The following LPP variants were observed in gnomAD, a reference collection of about 807,000 sequenced individuals.
LPP encodes the protein LIM domain containing preferred translocation partner in lipoma, also known as lipoma-preferred partner.
In LPP, 38 loss-of-function variants were observed where a neutral mutation model predicts 60.4. That is an observed-to-expected ratio of 0.63 (90% confidence interval 0.49 to 0.83). The LOEUF (loss-of-function observed/expected upper bound fraction) is 0.83, where lower values mean the gene tolerates loss of function less well. LPP is among the 40% of genes least tolerant of loss of function. The pLI is 0.00. For synonymous variants in LPP, 328 were observed against 290.8 expected (o/e 1.13, Z -1.30); for missense variants, 902 against 783.6 (o/e 1.15, Z -1.80).
chr3:188,460,464 A>G (rs891739781), intron 4 of LPP, among the ~76,000 whole-genome samples: 3 of 152,212 alleles, frequency 2.0e-5, no homozygotes, highest in Non-Finnish European at 4.4e-5. Context: ...TGTCCCTTGC[A>G]GAAAACTTGA....
At chr3:188,851,956 G>A (rs1425554559) in intron 9 of LPP, among the ~76,000 whole-genome samples, 2 of 152,072 alleles carry the variant, frequency 1.3e-5, no homozygotes, top group East Asian at 1.9e-4. Flanking sequence ...TGAGGCCGGG[G>A]AGTTCCAGAC....
At chr3:188,500,070 CT>C (rs1811380738) in intron 5 of LPP, among the ~76,000 whole-genome samples, 1 of 151,972 alleles carries the variant, frequency 6.6e-6, no homozygotes, top group Non-Finnish European at 1.5e-5. Flanking sequence ...TGATTTAATT[CT>C]TTCTTTTTAA....
intron 2 of LPP, among the ~76,000 whole-genome samples, chr3:188,227,696 G>A (rs1005852683): frequency 6.6e-6 from 1 of 151,968 alleles, no homozygotes; most frequent in Non-Finnish European, 1.5e-5. Context: ...TTTTGTGCCT[G>A]GGCTTCATCC....
chr3:188,667,350 C>T (rs867780260), intron 7 of LPP, among the ~76,000 whole-genome samples: 51 of 151,830 alleles, frequency 3.4e-4, no homozygotes, highest in African/African-American at 1.2e-3. Flanking sequence ...TGGTGGTGGG[C>T]GCCTGTAGTC....
rs115233654 is a variant in LPP, at chr3:188,437,935, C to T, written c.193+31622C>T. On this transcript the variant is annotated intron_variant, in intron 4 of 11. Coordinates refer to ENST00000617246, the MANE Select transcript of LPP (RefSeq NM_001375462.1). Reference sequence around the variant, plus strand: ...TCTGCAGTAAGTGTGATAGCTTTGCCGAAGCACTTGGGGGCCAAAAGGACA... The same window carrying T: ...TCTGCAGTAAGTGTGATAGCTTTGCTGAAGCACTTGGGGGCCAAAAGGACA... 7.4e-3 allele frequency among the ~76,000 whole-genome samples: 1,118 copies of T among 152,008 alleles called. 7 individuals are homozygous for T. Among genetic ancestry groups the T allele is most frequent in the South Asian group, 0.033 (158 of 4,810 alleles).
chr3:188,633,530 T>C (rs564677144), intron 7 of LPP, among the ~76,000 whole-genome samples: 2 of 152,284 alleles, frequency 1.3e-5, no homozygotes, highest in Non-Finnish European at 2.9e-5. Context: ...CAAAACCTGG[T>C]CCTCTGTCTA....
At position 188,609,183 on chromosome 3, in the gene LPP, C is replaced by G; in HGVS notation, c.452C>G (p.Ser151Cys). The change falls in exon 7 of 12, where the codon TCT becomes TGT. Residue 151 changes from serine to cysteine, a missense_variant. By Grantham distance (112) the Ser-to-Cys change is moderately radical (BLOSUM62 -1). Coordinates refer to ENST00000617246, the MANE Select transcript of LPP (RefSeq NM_001375462.1). The surrounding 1 kb of genome is among the most constrained non-coding windows in gnomAD (Gnocchi z 6.9). ...PPQSSTGSTA[S>C]PPVSTPVTGH... ...TAGAGCTCCACTGGTTCAACAGCCT[C>G]TCCTCCAGTTTCGACCCCAGTCACA... 2.5e-6 allele frequency: 4 copies of G among 1,612,160 alleles called. No individual in the cohort carries two copies. The highest frequency in any genetic ancestry group is 3.4e-6 in the Non-Finnish European group (4 of 1,178,778).
intron 3 of LPP, among the ~76,000 whole-genome samples, chr3:188,385,533 T>C (rs951246702): frequency 6.6e-6 from 1 of 152,054 alleles, no homozygotes; most frequent in East Asian, 1.9e-4. Context: ...CACAAACAAA[T>C]AAGAGAATGA....
chr3:188,707,140 C>T (rs1401631643), intron 7 of LPP, among the ~76,000 whole-genome samples: 1 of 151,880 alleles, frequency 6.6e-6, no homozygotes, highest in Non-Finnish European at 1.5e-5. Flanking sequence ...TTCTGGCTCG[C>T]CCGCCTATTT....
At chr3:188,185,153 A>C (rs565608468) in intron 1 of LPP, among the ~76,000 whole-genome samples, 42 of 151,990 alleles carry the variant, frequency 2.8e-4, no homozygotes, top group African/African-American at 1.0e-3. Flanking sequence ...TGAGTCTTAG[A>C]GCCAAGGAGG....
chr3:188,287,677 G>A (rs758196365), intron 2 of LPP, among the ~76,000 whole-genome samples: 6 of 152,222 alleles, frequency 3.9e-5, no homozygotes, highest in Non-Finnish European at 7.3e-5. Context: ...CATTCTTTAT[G>A]TAGTAGTGAT....
At position 188,587,170 on chromosome 3, in the gene LPP, C is replaced by T. The variant is rs1443910322; in HGVS notation, c.430-21991C>T. Among the ~76,000 whole-genome samples, 2 of 12,778 alleles carry T rather than the reference C, an allele frequency of 1.6e-4. 1 individual carries two copies. The highest frequency in any genetic ancestry group is 7.2e-4 in the Non-Finnish European group (2 of 2,776). The allele number at this position is 12,778 out of a possible 152,430, so 8.4% of individuals were successfully genotyped here. A position where few individuals can be genotyped will look rare whatever the true frequency, so the allele number is the denominator to read the frequency against. The stretch of plus-strand genomic sequence containing the variant: ...CATCCTGGCTAACAAGGTGAAACCC[C>T]GTCTCTACTAAAAATACAAAAAATT... On this transcript the variant is annotated intron_variant, in intron 6 of 11. Transcript: ENST00000617246.
chr3:188,789,998 T>C (rs1743172647), intron 9 of LPP, among the ~76,000 whole-genome samples: 1 of 152,196 alleles, frequency 6.6e-6, no homozygotes, highest in Non-Finnish European at 1.5e-5. Context: ...AAACAAAATT[T>C]AGCACTATCT....
intron 5 of LPP, among the ~76,000 whole-genome samples, chr3:188,492,933 G>T (rs1480934072): frequency 6.6e-6 from 1 of 152,144 alleles, no homozygotes; most frequent in Non-Finnish European, 1.5e-5. Context: ...TCTCTTTTGA[G>T]AATTGTTTCT....
chr3:188,250,772 T>TTCTGTCTGTCTTTC lies in LPP; in HGVS notation c.-67+25248_-67+25249insGTCTGTCTTTCTCT, dbSNP rs1344982047. On this transcript the variant is annotated intron_variant, in intron 2 of 11. Coordinates refer to ENST00000617246, the MANE Select transcript of LPP (RefSeq NM_001375462.1). ...TTTCTTTCTTTCTTTCTTTCTTTCT[T>TTCTGTCTGTCTTTC]TCTTTCTTTCTTTCTGTCTTTCTCT... 1.9e-4 allele frequency among the ~76,000 whole-genome samples: 21 copies of TTCTGTCTGTCTTTC among 111,098 alleles called. 1 individual carries two copies. The South Asian group carries it at 4.3e-3, about 23-fold the overall frequency. 72.9% of individuals were successfully genotyped at this position (111,098 alleles called of 152,430 possible). A position where few individuals can be genotyped will look rare whatever the true frequency, so the allele number is the denominator to read the frequency against.
At chr3:188,801,031 C>G (rs1043963266) in intron 9 of LPP, among the ~76,000 whole-genome samples, 3 of 152,240 alleles carry the variant, frequency 2.0e-5, no homozygotes, top group African/African-American at 7.2e-5. Flanking sequence ...CATGGCCTTA[C>G]CTCCCCTTCC....
intron 6 of LPP, among the ~76,000 whole-genome samples, chr3:188,578,343 G>A (rs1002594239): frequency 1.3e-5 from 2 of 151,868 alleles, no homozygotes; most frequent in African/African-American, 4.8e-5. Context: ...CAGGAGTTTG[G>A]GTCCCTAATA....
At chr3:188,535,969 A>G (rs996566427) in intron 6 of LPP, among the ~76,000 whole-genome samples, 11 of 151,464 alleles carry the variant, frequency 7.3e-5, no homozygotes, top group Non-Finnish European at 1.5e-4. Flanking sequence ...AAACAACAAC[A>G]TCAACCAAAA....
intron 9 of LPP, among the ~76,000 whole-genome samples, chr3:188,762,332 C>T (rs531245761): frequency 6.6e-6 from 1 of 152,270 alleles, no homozygotes; most frequent in Admixed American, 6.5e-5. Flanking sequence ...TAGTAAAGCA[C>T]ACTGGGCCTC....
Sources: allele counts gnomAD v4.1 joint callset (sites outside exome capture counted in the v4.1 genomes callset), GRCh38; gene constraint gnomAD v4.1.1; non-coding constraint Gnocchi (gnomAD v3.1); transcripts MANE v1.5; gene names NCBI Gene and HGNC (gene_info 2026-07-23, HGNC 2026-07-21).